GLP2R: variants seen among roughly 807,000 people sequenced by gnomAD.
GLP2R encodes glucagon like peptide 2 receptor, also known as glucagon-like peptide 2 receptor.
A neutral mutation model predicts 68.2 loss-of-function variants in GLP2R; 59 were observed. The ratio of observed to expected loss-of-function variants is 0.87; its 90% confidence interval spans 0.70 to 1.07. The LOEUF (loss-of-function observed/expected upper bound fraction) is 1.07. Among genes scored for constraint, GLP2R ranks in the 50% least tolerant of loss-of-function variants. The pLI is 0.00. For synonymous variants in GLP2R, 270 were observed against 265.4 expected (o/e 1.02, Z -0.17); for missense variants, 548 against 677.4 (o/e 0.81, Z 2.12).
At chr17:9,883,219 A>G (rs920992257) in intron 11 of GLP2R, among the ~76,000 whole-genome samples, 1 of 152,212 alleles carries the variant, frequency 6.6e-6, no homozygotes. Context: ...AATAACTGAT[A>G]TGAAAATTTT....
chr17:9,888,920 C>T (rs1415762942), intron 12 of GLP2R, among the ~76,000 whole-genome samples: 1 of 152,212 alleles, frequency 6.6e-6, no homozygotes, highest in East Asian at 1.9e-4. Context: ...TTTCAACCTC[C>T]TCTCGCCCTA....
chr17:9,857,648 C>G, intron 6 of GLP2R, 72 bp downstream of exon 6: 2 of 1,459,574 alleles, frequency 1.4e-6, no homozygotes, highest in Non-Finnish European at 1.9e-6. Flanking sequence ...AGAAGGCAGG[C>G]AGGTGGGACT....
At chr17:9,854,708 G>A in intron 5 of GLP2R, 107 bp downstream of exon 5, 1 of 741,876 alleles carries the variant, frequency 1.3e-6, no homozygotes, top group South Asian at 1.5e-5. Context: ...ACCAGGGGTA[G>A]AACGAAACAT....
chr17:9,836,352 AC>A lies in GLP2R; in HGVS notation c.278-16del. The A allele has an allele frequency of 1.3e-6, 2 of 1,501,238 alleles. No homozygotes were observed. The highest frequency in any genetic ancestry group is 1.4e-5 in the African/African-American group (1 of 72,598). The allele number at this position is 1,501,238 out of a possible 1,614,324, so 93.0% of individuals were successfully genotyped here. On this transcript the variant is annotated intron_variant, in intron 2 of 12. Transcript: ENST00000262441. ...GTGCTAAAACACTGATGTTTATCAGACCCTTCTTCTCTCTGTAGGCATATTT... is the reference window on the plus strand; with the variant it reads ...GTGCTAAAACACTGATGTTTATCAGACCTTCTTCTCTCTGTAGGCATATTT...
intron 8 of GLP2R, 70 bp downstream of exon 8, chr17:9,861,269 G>A: frequency 9.8e-7 from 1 of 1,020,654 alleles, no homozygotes; most frequent in Non-Finnish European, 1.5e-6. Context: ...TACAAAGAAT[G>A]ACATCATTTT....
chr17:9,849,378 T>C (rs1227166339), intron 4 of GLP2R, among the ~76,000 whole-genome samples: 1 of 151,994 alleles, frequency 6.6e-6, no homozygotes, highest in South Asian at 2.1e-4. Context: ...CACAACTACA[T>C]TACCATTATT....
chr17:9,884,456 T>G (rs1021321161), intron 11 of GLP2R, among the ~76,000 whole-genome samples: 6 of 152,214 alleles, frequency 3.9e-5, no homozygotes, highest in Admixed American at 3.9e-4. Context: ...GTAACCACTA[T>G]GCCATAGTGC....
At chr17:9,857,650 G>T in intron 6 of GLP2R, 74 bp downstream of exon 6, 1 of 1,435,078 alleles carries the variant, frequency 7.0e-7, no homozygotes, top group South Asian at 1.2e-5. Context: ...AAGGCAGGCA[G>T]GTGGGACTAG....
chr17:9,834,360 T>C (rs922813456), intron 2 of GLP2R, among the ~76,000 whole-genome samples: 1 of 152,118 alleles, frequency 6.6e-6, no homozygotes, highest in African/African-American at 2.4e-5. Context: ...CATCACCTGA[T>C]CATATGACAT....
Position 9,826,145 on chromosome 17 carries a change from A to T in GLP2R, c.82A>T (p.Ile28Phe), listed in dbSNP as rs776737249. The change falls in exon 1 of 13, where the codon ATC becomes TTC. Residue 28 changes from isoleucine to phenylalanine, a missense_variant. Ile to Phe is a conservative substitution (Grantham distance 21). Coordinates refer to ENST00000262441, the MANE Select transcript of GLP2R (RefSeq NM_004246.3). ...TGGCGTCCACGAGCTGCCCATGGGCATCCCTGCCCCCTGGGGGACCAGTCC... is the reference window on the plus strand; with the variant it reads ...TGGCGTCCACGAGCTGCCCATGGGCTTCCCTGCCCCCTGGGGGACCAGTCC... ...LPGVHELPMG[I>F]PAPWGTSPLS... The T allele has an allele frequency of 6.2e-7, 1 of 1,612,778 alleles. No individual in the cohort carries two copies. The highest frequency in any genetic ancestry group is 1.3e-5 in the African/African-American group (1 of 74,918).
Position 9,859,636 on chromosome 17 carries a change from A to ATAT in GLP2R, c.766-306_766-305insTAT, listed in dbSNP as rs1555571773. 9.0e-3 allele frequency among the ~76,000 whole-genome samples: 1,288 copies of ATAT among 143,092 alleles called. 20 individuals carry two copies. The highest frequency in any genetic ancestry group is 0.029 in the African/African-American group (1,132 of 39,058). 93.9% of individuals were successfully genotyped at this position (143,092 alleles called of 152,430 possible). A position where few individuals can be genotyped will look rare whatever the true frequency, so the allele number is the denominator to read the frequency against. On this transcript the variant is annotated intron_variant, in intron 6 of 12. Coordinates refer to ENST00000262441, the MANE Select transcript of GLP2R (RefSeq NM_004246.3). ...TGAAACCCTGTGTCTACTAAAAAAA[A>ATAT]ATATATATATATATATACATACATA...
At chr17:9,873,335 G>A (rs1184109972) in intron 10 of GLP2R, among the ~76,000 whole-genome samples, 2 of 152,122 alleles carry the variant, frequency 1.3e-5, no homozygotes, top group African/African-American at 4.8e-5. Flanking sequence ...CCTTCGCCAT[G>A]CCCAAGACCC....
chr17:9,879,359 CA>C (rs1426711111), intron 10 of GLP2R, among the ~76,000 whole-genome samples: 1 of 145,972 alleles, frequency 6.9e-6, no homozygotes, highest in East Asian at 2.3e-4. Context: ...TATCCAGGCA[CA>C]GTTGTGCACA....
chr17:9,872,606 A>T (rs930039094), intron 10 of GLP2R, among the ~76,000 whole-genome samples: 1 of 152,180 alleles, frequency 6.6e-6, no homozygotes, highest in Non-Finnish European at 1.5e-5. Flanking sequence ...AACGGTGTAC[A>T]CGATGTAGAC....
Position 9,889,546 on chromosome 17 carries a change from G to A in GLP2R, c.1503G>A (p.Arg501=). Residue 501 remains arginine, a synonymous_variant, in exon 13 of 13, where the codon CGG becomes CGA. Transcript: ENST00000262441. ...RKLQPSLNSG[R]LLHLAMRGLG... ...TGCAGCCCTCACTTAACAGTGGGCG[G>A]CTCCTACATCTAGCCATGCGAGGTC... 1.2e-6 allele frequency: 2 copies of A among 1,614,216 alleles called. No individual in the cohort carries two copies. Among genetic ancestry groups the A allele is most frequent in the East Asian group, 4.5e-5 (2 of 44,880 alleles).
rs3915729 is a variant in GLP2R, at chr17:9,881,623, G to T, written c.1284+1107G>T. 5.3e-5 allele frequency among the ~76,000 whole-genome samples: 8 copies of T among 151,282 alleles called. No homozygotes were observed. The East Asian group carries it at 9.7e-4, about 18-fold the overall frequency. On this transcript the variant is annotated intron_variant, in intron 11 of 12. Transcript: ENST00000262441. ...TCTCGATCTCCTGACCTCGTGATCC[G>T]CCCGCCTCGGCCTCCCAAAGTGCTG...
chr17:9,887,718 G>A (rs1420266395), intron 11 of GLP2R, among the ~76,000 whole-genome samples: 8 of 152,204 alleles, frequency 5.3e-5, no homozygotes, highest in Non-Finnish European at 1.0e-4. Flanking sequence ...GGAGCAGGGC[G>A]GGCGGGGCGC....
chr17:9,856,385 C>T (rs189065938), intron 5 of GLP2R, among the ~76,000 whole-genome samples: 1,903 of 151,546 alleles, frequency 0.013, 46 homozygotes, highest in African/African-American at 0.043. Flanking sequence ...ATGTGTAAAT[C>T]CTAAGACACA....
At chr17:9,864,502 GTTTGTTTGTTTGTTTTGTTT>G (rs949899981) in intron 9 of GLP2R, among the ~76,000 whole-genome samples, 1 of 151,590 alleles carries the variant, frequency 6.6e-6, no homozygotes, top group Non-Finnish European at 1.5e-5. Flanking sequence ...TTGTTTGTTT[GTTTGTTTGTTTGTTTTGTTT>G]TTTGTTTTTT....
Sources: gnomAD v4.1 joint callset for allele counts (sites outside exome capture counted in the v4.1 genomes callset) on GRCh38, gnomAD v4.1.1 for gene constraint, MANE v1.5 for transcripts, NCBI Gene and HGNC (gene_info 2026-07-23, HGNC 2026-07-21) for gene names.